The following TCF7L2 variants were observed in gnomAD, a reference collection of about 807,000 sequenced individuals.
TCF7L2 encodes transcription factor 7-like 2.
Under a neutral mutation model 77.9 loss-of-function variants are expected in TCF7L2, and 23 were observed. The observed-to-expected ratio is 0.30, with a 90% CI of 0.21 to 0.42. The LOEUF is 0.42. Ranked by LOEUF, TCF7L2 falls within the 10% of genes least tolerant of loss-of-function variation. The pLI is 1.00. For missense variants in TCF7L2, 654 were observed against 793.1 expected (o/e 0.82, Z 2.11); for synonymous variants, 413 against 340.2 (o/e 1.21, Z -2.36).
chr10:113,139,811 TAA>T (rs34407643), intron 5 of TCF7L2, among the ~76,000 whole-genome samples: 408 of 138,352 alleles, frequency 2.9e-3, no homozygotes, highest in African/African-American at 8.4e-3. Flanking sequence ...CTCACCCATT[TAA>T]AAAAAAAAAA....
At chr10:113,022,908 A>C (rs921822282) in intron 4 of TCF7L2, among the ~76,000 whole-genome samples, 3 of 152,200 alleles carry the variant, frequency 2.0e-5, no homozygotes, top group East Asian at 3.8e-4. Context: ...GGATGTCAGC[A>C]CTTGGCATGT....
At chr10:113,144,106 G>GTC (rs2068865755) in intron 7 of TCF7L2, 81 bp downstream of exon 7, 1 of 198,248 alleles carries the variant, frequency 5.0e-6, no homozygotes, top group African/African-American at 3.5e-5. Flanking sequence ...GTGTCTGTGT[G>GTC]TGTGTGTGTG....
intron 5 of TCF7L2, among the ~76,000 whole-genome samples, chr10:113,044,646 C>G (rs1324593181): frequency 6.6e-6 from 1 of 152,164 alleles, no homozygotes; most frequent in Non-Finnish European, 1.5e-5. Context: ...GCGGGGATTA[C>G]AGGCCTGGGC....
intron 8 of TCF7L2, among the ~76,000 whole-genome samples, chr10:113,147,459 A>G (rs1420701728): frequency 6.6e-6 from 1 of 152,228 alleles, no homozygotes; most frequent in Non-Finnish European, 1.5e-5. Flanking sequence ...TCCATTTTCT[A>G]CCTGCGATAT....
Position 112,951,529 on chromosome 10 carries a change from C to A in TCF7L2, c.303C>A (p.Pro101=), listed in dbSNP as rs957371047. 7.0e-7 allele frequency: 1 copy of A among 1,429,724 alleles called. No homozygotes were observed. Among genetic ancestry groups the A allele is most frequent in the Non-Finnish European group, 9.4e-7 (1 of 1,068,712 alleles). 88.6% of individuals were successfully genotyped at this position (1,429,724 alleles called of 1,614,324 possible). Residue 101 remains proline (P), a synonymous_variant, in exon 3 of 14, where the codon CCC becomes CCA. Transcript: ENST00000627217. ...GGCTCTTTAAGGGGCCACCGTATCCCGGCTACCCCTTCATCATGATCCCCG... is the reference window on the plus strand; with the variant it reads ...GGCTCTTTAAGGGGCCACCGTATCCAGGCTACCCCTTCATCATGATCCCCG...
intron 6 of TCF7L2, among the ~76,000 whole-genome samples, chr10:113,141,561 T>C (rs944451673): frequency 6.6e-6 from 1 of 152,202 alleles, no homozygotes; most frequent in African/African-American, 2.4e-5. Flanking sequence ...GATCTCTTTA[T>C]GGCTTCCAGT....
intron 5 of TCF7L2, among the ~76,000 whole-genome samples, chr10:113,068,041 T>A (rs1413728446): frequency 6.6e-6 from 1 of 152,214 alleles, no homozygotes; most frequent in African/African-American, 2.4e-5. Flanking sequence ...TTAATATAAC[T>A]TTATGGACCT....
chr10:112,962,972 T>C (rs749202364), intron 3 of TCF7L2, among the ~76,000 whole-genome samples: 5 of 152,354 alleles, frequency 3.3e-5, no homozygotes, highest in Non-Finnish European at 5.9e-5. Context: ...TCTGTTGTTT[T>C]AGGGCAATGT....
chr10:113,139,184 AAG>A (rs2067907160), intron 5 of TCF7L2, among the ~76,000 whole-genome samples: 1 of 152,130 alleles, frequency 6.6e-6, no homozygotes, highest in Admixed American at 6.5e-5. Context: ...TTTCCAACCA[AAG>A]AGAAAACTTC....
intron 3 of TCF7L2, among the ~76,000 whole-genome samples, chr10:112,962,787 CG>C (rs1387274070): frequency 6.6e-6 from 1 of 152,050 alleles, no homozygotes. Flanking sequence ...TTGGTAGAGA[CG>C]GGGTTTCACC....
At chr10:113,134,889 A>C (rs2067171315) in intron 5 of TCF7L2, among the ~76,000 whole-genome samples, 1 of 152,226 alleles carries the variant, frequency 6.6e-6, no homozygotes, top group East Asian at 1.9e-4. Context: ...TTTATTGTGC[A>C]GAGCTCCTAA....
chr10:113,162,772 G>A (rs1016065734), intron 13 of TCF7L2, among the ~76,000 whole-genome samples: 3 of 152,160 alleles, frequency 2.0e-5, no homozygotes, highest in African/African-American at 7.2e-5. Context: ...ATGCATTTCT[G>A]CTGTCTTTGA....
chr10:112,995,785 A>G (rs1015172620), intron 4 of TCF7L2, among the ~76,000 whole-genome samples: 2 of 151,942 alleles, frequency 1.3e-5, no homozygotes, highest in Non-Finnish European at 2.9e-5. Context: ...CAGAGTCGTG[A>G]TCATGCCCTG....
At position 113,001,737 on chromosome 10, in the gene TCF7L2, C is replaced by T. The variant is rs545740017; in HGVS notation, c.450+37113C>T. ...CCCTTGATCATACTCGTTGTTTACA[C>T]GAAGGGAATTTTTATTGTCTTGTGA... On this transcript the variant is annotated intron_variant, in intron 4 of 13. Coordinates refer to ENST00000627217, the MANE Select transcript of TCF7L2 (RefSeq NM_001146274.2). 6.1e-4 allele frequency among the ~76,000 whole-genome samples: 93 copies of T among 152,238 alleles called. 3 individuals are homozygous for T. The South Asian group carries it at 0.018, about 30-fold the overall frequency.
At chr10:113,125,000 T>G (rs2065351353) in intron 5 of TCF7L2, among the ~76,000 whole-genome samples, 1 of 152,090 alleles carries the variant, frequency 6.6e-6, no homozygotes. Context: ...TAAAGGAAAC[T>G]TAAGAGTTTC....
chr10:113,129,570 GA>G, intron 5 of TCF7L2: 6 of 1,003,506 alleles, frequency 6.0e-6, no homozygotes, highest in Non-Finnish European at 7.1e-6. Context: ...TTATTTTTAA[GA>G]TTTTTTTAGG....
chr10:113,021,856 T>C (rs1418702647), intron 4 of TCF7L2, among the ~76,000 whole-genome samples: 1 of 152,218 alleles, frequency 6.6e-6, no homozygotes, highest in African/African-American at 2.4e-5. Flanking sequence ...CACTGGTCTT[T>C]GGACTGAACC....
intron 5 of TCF7L2, among the ~76,000 whole-genome samples, chr10:113,092,862 C>A (rs182141948): frequency 6.6e-6 from 1 of 152,048 alleles, no homozygotes; most frequent in Non-Finnish European, 1.5e-5. Flanking sequence ...AAGACTCCCT[C>A]GGCTGGGGGG....
intron 5 of TCF7L2, among the ~76,000 whole-genome samples, chr10:113,086,146 A>G (rs932573447): frequency 6.6e-6 from 1 of 152,154 alleles, no homozygotes; most frequent in Non-Finnish European, 1.5e-5. Flanking sequence ...CGAGGCCTTC[A>G]TTTACTTTTA....
Sources: gnomAD v4.1 joint callset for allele counts (sites outside exome capture counted in the v4.1 genomes callset) on GRCh38, gnomAD v4.1.1 for gene constraint, MANE v1.5 for transcripts, NCBI Gene and HGNC (gene_info 2026-07-23, HGNC 2026-07-21) for gene names.